Variants in QTMAN observed in about 807,000 individuals in gnomAD.
QTMAN encodes the protein queuosine-tRNA mannosyltransferase, also known as tRNA-queuosine alpha-mannosyltransferase.
the QTMAN span, among the ~76,000 whole-genome samples, chr2:144,094,408 C>T: frequency 5.3e-5 from 8 of 152,166 alleles, no homozygotes; most frequent in Admixed American, 3.9e-4. Flanking sequence ...AGTCCGTTCT[C>T]ATACTGCTAC....
At chr2:144,138,165 T>C in the QTMAN span, among the ~76,000 whole-genome samples, 6,708 of 152,080 alleles carry the variant, frequency 0.044, 492 homozygotes, top group African/African-American at 0.15. Context: ...CAGGGGACTA[T>C]GTGCCCTAGA....
At chr2:144,011,307 TA>T in the QTMAN span, among the ~76,000 whole-genome samples, 1 of 152,080 alleles carries the variant, frequency 6.6e-6, no homozygotes, top group African/African-American at 2.4e-5. Flanking sequence ...AATGTATTAA[TA>T]ATACTAAAAA....
chr2:144,037,106 A>G, the QTMAN span, among the ~76,000 whole-genome samples: 1 of 152,184 alleles, frequency 6.6e-6, no homozygotes, highest in East Asian at 1.9e-4. Context: ...AGGGGTAGGG[A>G]GAAGTAGGAA....
chr2:144,265,423 C>A, the QTMAN span, among the ~76,000 whole-genome samples: 1 of 152,144 alleles, frequency 6.6e-6, no homozygotes, highest in African/African-American at 2.4e-5. Flanking sequence ...CTCGGTCAGG[C>A]GCGGTGGCTC....
At chr2:144,303,184 A>G in the QTMAN span, among the ~76,000 whole-genome samples, 1 of 152,190 alleles carries the variant, frequency 6.6e-6, no homozygotes, top group African/African-American at 2.4e-5. Context: ...CACAGAGAGC[A>G]CTGAAGATAG....
chr2:144,006,821 C>T, the QTMAN span: 1 of 168,938 alleles, frequency 5.9e-6, no homozygotes, highest in African/African-American at 2.4e-5. Context: ...ATTGCTGTAT[C>T]AGTGTGTATA....
At chr2:144,269,849 T>A in the QTMAN span, among the ~76,000 whole-genome samples, 1 of 151,840 alleles carries the variant, frequency 6.6e-6, no homozygotes, top group African/African-American at 2.4e-5. Context: ...ACTCACCTAT[T>A]CCACCTACTT....
chr2:144,195,171 A>T, the QTMAN span, among the ~76,000 whole-genome samples: 2 of 152,124 alleles, frequency 1.3e-5, no homozygotes, highest in South Asian at 4.1e-4. Flanking sequence ...ATCAAAACTC[A>T]CAATATCTAG....
At chr2:144,185,687 C>T in the QTMAN span, among the ~76,000 whole-genome samples, 1 of 152,176 alleles carries the variant, frequency 6.6e-6, no homozygotes, top group Admixed American at 6.5e-5. Context: ...TGCAACAGGA[C>T]TTTCTGAGTG....
chr2:144,180,066 T>A, the QTMAN span, among the ~76,000 whole-genome samples: 1 of 152,154 alleles, frequency 6.6e-6, no homozygotes, highest in Non-Finnish European at 1.5e-5. Context: ...GGAACATTAC[T>A]CAGTAGATGT....
At chr2:144,025,588 A>G in the QTMAN span, among the ~76,000 whole-genome samples, 33 of 152,332 alleles carry the variant, frequency 2.2e-4, no homozygotes, top group Admixed American at 2.0e-3. Context: ...GGCAAGGTAC[A>G]TGCAAGTAGG....
the QTMAN span, among the ~76,000 whole-genome samples, chr2:144,200,357 T>C: frequency 6.6e-6 from 1 of 152,202 alleles, no homozygotes; most frequent in Non-Finnish European, 1.5e-5. Context: ...GTGGCCACTG[T>C]CAAAACTAAA....
chr2:144,092,285 C>T, the QTMAN span, among the ~76,000 whole-genome samples: 1 of 151,974 alleles, frequency 6.6e-6, no homozygotes, highest in Non-Finnish European at 1.5e-5. Flanking sequence ...ACGCCATTCT[C>T]CTGCCTCAGC....
chr2:144,244,933 A>G, the QTMAN span, among the ~76,000 whole-genome samples: 6 of 152,348 alleles, frequency 3.9e-5, no homozygotes, highest in African/African-American at 1.4e-4. Flanking sequence ...AGATACACAA[A>G]GCAAAGATAA....
chr2:144,301,675 G>A, the QTMAN span, among the ~76,000 whole-genome samples: 3 of 152,172 alleles, frequency 2.0e-5, no homozygotes, highest in Non-Finnish European at 2.9e-5. Context: ...ACAAAATACA[G>A]CCATAAGAGG....
the QTMAN span, among the ~76,000 whole-genome samples, chr2:144,011,330 C>G: frequency 6.6e-6 from 1 of 151,894 alleles, no homozygotes; most frequent in Non-Finnish European, 1.5e-5. Flanking sequence ...AAAACAAAAC[C>G]AACCACATCC....
the QTMAN span, among the ~76,000 whole-genome samples, chr2:144,089,477 C>T: frequency 1.3e-5 from 2 of 151,882 alleles, no homozygotes; most frequent in African/African-American, 2.4e-5. Context: ...AATATCAAAG[C>T]AATAACTGTA....
the QTMAN span, among the ~76,000 whole-genome samples, chr2:144,023,399 T>C: frequency 5.3e-5 from 8 of 152,230 alleles, no homozygotes; most frequent in Admixed American, 1.3e-4. Context: ...AGAGTGCCCA[T>C]GCAAACTCAA....
chr2:144,073,402 T>A, the QTMAN span, among the ~76,000 whole-genome samples: 6 of 152,242 alleles, frequency 3.9e-5, no homozygotes. Flanking sequence ...CCAGCCCAAG[T>A]CATATCATGA....
Sources: allele counts gnomAD v4.1 joint callset (sites outside exome capture counted in the v4.1 genomes callset), GRCh38; gene constraint gnomAD v4.1.1; transcripts MANE v1.5; gene names NCBI Gene and HGNC (gene_info 2026-07-23, HGNC 2026-07-21).